The following HSPA12B variants were observed in gnomAD, a reference collection of about 807,000 sequenced individuals.
The protein encoded by HSPA12B is heat shock 70 kDa protein 12B.
In HSPA12B, 54 loss-of-function variants were observed where a neutral mutation model predicts 69.3. The observed-to-expected ratio is 0.78, with a 90% CI of 0.63 to 0.98. HSPA12B has a LOEUF of 0.98. Among genes scored for constraint, HSPA12B ranks in the 50% least tolerant of loss-of-function variants. The pLI is 0.00. For missense variants in HSPA12B, 929 were observed against 999.8 expected (o/e 0.93, Z 0.96); for synonymous variants, 441 against 436.5 (o/e 1.01, Z -0.13).
chr20:3,749,875 C>T lies in HSPA12B; in HGVS notation c.1042+21C>T, dbSNP rs2088378392. ...ATCTGGTGAGTAGCCAGGCGGCGCC[C>T]CGGTACCCAGCGCGACCCGGGCTCC... On this transcript the variant is annotated intron_variant, in intron 10 of 12. Coordinates refer to ENST00000254963, the MANE Select transcript of HSPA12B (RefSeq NM_052970.5). The surrounding 1 kb of genome is among the most constrained non-coding windows in gnomAD (Gnocchi z 5.5). 1.3e-6 allele frequency: 2 copies of T among 1,577,518 alleles called. No homozygotes were observed. Among genetic ancestry groups the T allele is most frequent in the Non-Finnish European group, 8.6e-7 (1 of 1,161,894 alleles).
rs141088388 is a variant in HSPA12B at position 3,745,510 on chromosome 20, C to G, written c.471C>G (p.Thr157=). Residue 157 remains threonine, a synonymous_variant, in exon 6 of 13, where the codon ACC becomes ACG. Transcript: ENST00000254963. This position sits in a 1 kb window ranked among gnomAD's most constrained non-coding sequence, Gnocchi z 5.6. The part of the protein sequence containing the change: ...IHSATDLTLK[T]QLEAVNGKTM... The stretch of plus-strand genomic sequence containing the variant: ...CCTGCCAGGATCTCACCTTGAAGAC[C>G]CAGCTAGAGGCAGTAAATGGAAAGA... 1.9e-6 allele frequency: 3 copies of G among 1,614,082 alleles called. No homozygotes were observed. Among genetic ancestry groups the G allele is most frequent in the Non-Finnish European group, 2.5e-6 (3 of 1,179,962 alleles).
In HSPA12B at chr20:3,745,380, G is replaced by C. The variant is rs2088280876; in HGVS notation, c.454-113G>C. The C allele has an allele frequency of 1.3e-6, 1 of 787,424 alleles. No homozygotes were observed. The highest frequency in any genetic ancestry group is 1.5e-5 in the South Asian group (1 of 65,316). The allele number at this position is 787,424 out of a possible 1,614,324, so 48.8% of individuals were successfully genotyped here. A position where few individuals can be genotyped will look rare whatever the true frequency, so the allele number is the denominator to read the frequency against. Reference sequence around the variant, plus strand: ...ATGTCACATGGGGCAAGAGTGGGACGGTGGTAAAGAGGAGGGGAAGCTCCA... The same window carrying C: ...ATGTCACATGGGGCAAGAGTGGGACCGTGGTAAAGAGGAGGGGAAGCTCCA... On this transcript the variant is annotated intron_variant, in intron 5 of 12. Coordinates refer to ENST00000254963, the MANE Select transcript of HSPA12B (RefSeq NM_052970.5). The surrounding 1 kb of genome is among the most constrained non-coding windows in gnomAD (Gnocchi z 5.6).
Position 3,745,691 on chromosome 20 carries a change from T to C in HSPA12B, c.558+94T>C. On this transcript the variant is annotated intron_variant, in intron 6 of 12. Transcript: ENST00000254963. The surrounding 1 kb of genome is among the most constrained non-coding windows in gnomAD (Gnocchi z 5.6). ...CCCCCATCCCGTCCCCGACATTGGA[T>C]GGGTAGCCACCGCCGGAGCTCAGAG... The C allele has an allele frequency of 8.5e-7, 1 of 1,181,168 alleles. No homozygotes were observed. Among genetic ancestry groups the C allele is most frequent in the Non-Finnish European group, 1.2e-6 (1 of 803,904 alleles). The allele number at this position is 1,181,168 out of a possible 1,614,324, so 73.2% of individuals were successfully genotyped here. A position where few individuals can be genotyped will look rare whatever the true frequency, so the allele number is the denominator to read the frequency against.
In HSPA12B at chr20:3,749,871, C is replaced by G; in HGVS notation, c.1042+17C>G. 1 of 1,577,406 alleles carries G rather than the reference C, an allele frequency of 6.3e-7. No individual in the cohort carries two copies. The highest frequency in any genetic ancestry group is 8.6e-7 in the Non-Finnish European group (1 of 1,161,772). The stretch of plus-strand genomic sequence containing the variant: ...AGGCATCTGGTGAGTAGCCAGGCGG[C>G]GCCCCGGTACCCAGCGCGACCCGGG... On this transcript the variant is annotated intron_variant, in intron 10 of 12. Transcript: ENST00000254963. The surrounding 1 kb of genome is among the most constrained non-coding windows in gnomAD (Gnocchi z 5.5).
Position 3,750,813 on chromosome 20 carries a change from C to A in HSPA12B, c.1311C>A (p.Phe437Leu). ...ETALRRSSVNFVKWSSQGMLR... is the reference protein window; with the variant it reads ...ETALRRSSVNLVKWSSQGMLR... ...CTTTCACCACCAACAGCGTGAACTT[C>A]GTGAAGTGGTCCTCACAGGGGATGC... The change falls in exon 12 of 13, where the codon TTC becomes TTA. Residue 437 changes from phenylalanine to leucine, a missense_variant. Coordinates refer to ENST00000254963, the MANE Select transcript of HSPA12B (RefSeq NM_052970.5). 1.2e-6 allele frequency: 2 copies of A among 1,613,840 alleles called. No homozygotes were observed. The highest frequency in any genetic ancestry group is 8.5e-7 in the Non-Finnish European group (1 of 1,180,012).
Position 3,745,974 on chromosome 20 carries a change from G to T in HSPA12B, c.618G>T (p.Thr206=). Residue 206 remains threonine (T), a synonymous_variant, in exon 7 of 13, where the codon ACG becomes ACT. Transcript: ENST00000254963. The surrounding 1 kb of genome is among the most constrained non-coding windows in gnomAD (Gnocchi z 5.6). ...PEKDTVRWVL[T]VPAIWKQPAK... ...AGGACACTGTGCGCTGGGTGTTGAC[G>T]GTGCCTGCCATCTGGAAACAGCCAG... 1 of 1,614,030 alleles carries T rather than the reference G, an allele frequency of 6.2e-7. No individual in the cohort carries two copies. Among genetic ancestry groups the T allele is most frequent in the South Asian group, 1.1e-5 (1 of 91,078 alleles).
At chr20:3,735,568 C>T (rs1030883054) in intron 1 of HSPA12B, among the ~76,000 whole-genome samples, 6 of 151,530 alleles carry the variant, frequency 4.0e-5, no homozygotes, top group Non-Finnish European at 7.4e-5. Context: ...CAGGTTCAAA[C>T]GATTCTCCTG....
chr20:3,744,060 T>C lies in HSPA12B; in HGVS notation c.267-842T>C, dbSNP rs527520756. Among the ~76,000 whole-genome samples, 152 of 152,230 alleles carry C rather than the reference T, an allele frequency of 1.0e-3. 5 individuals carry two copies. The South Asian group carries it at 0.023, about 23-fold the overall frequency. ...GACCTCAAGACCCCAGTCCTCTGAA[T>C]ATGTCCTAGAGGGTCGGCAGGCAGT... On this transcript the variant is annotated intron_variant, in intron 4 of 12. Coordinates refer to ENST00000254963, the MANE Select transcript of HSPA12B (RefSeq NM_052970.5). The surrounding 1 kb of genome is among the most constrained non-coding windows in gnomAD (Gnocchi z 4.9).
At position 3,749,127 on chromosome 20, in the gene HSPA12B, C is replaced by A; in HGVS notation, c.851-105C>A. On this transcript the variant is annotated intron_variant, in intron 8 of 12. Transcript: ENST00000254963. The surrounding 1 kb of genome is among the most constrained non-coding windows in gnomAD (Gnocchi z 5.5). ...CAGGTTGGAGTTTCAGGAGCACTGGCTGCTCCCAGTGCCCATGGAGGTCCT... is the reference window on the plus strand; with the variant it reads ...CAGGTTGGAGTTTCAGGAGCACTGGATGCTCCCAGTGCCCATGGAGGTCCT... The A allele has an allele frequency of 2.1e-6, 2 of 944,812 alleles. No individual in the cohort carries two copies. Among genetic ancestry groups the A allele is most frequent in the Non-Finnish European group, 3.2e-6 (2 of 620,404 alleles). The allele number at this position is 944,812 out of a possible 1,614,324, so 58.5% of individuals were successfully genotyped here.
intron 8 of HSPA12B, 77 bp downstream of exon 8, chr20:3,748,468 G>C: frequency 7.6e-7 from 1 of 1,315,194 alleles, no homozygotes; most frequent in Non-Finnish European, 9.9e-7. Context: ...GCCATGTCTA[G>C]TATGAAGGGG....
rs536962476 is a variant in HSPA12B at position 3,749,493 on chromosome 20, C to G, written c.937+175C>G. On this transcript the variant is annotated intron_variant, in intron 9 of 12. Transcript: ENST00000254963. This position sits in a 1 kb window ranked among gnomAD's most constrained non-coding sequence, Gnocchi z 5.5. ...ACCCCACTCACAGCGGCGCCCCTAA[C>G]TCCCACTCCTCCAGGGGATTCTCCG... is the stretch of plus-strand genomic sequence containing the variant. 6.6e-6 allele frequency among the ~76,000 whole-genome samples: 1 copy of G among 152,300 alleles called. No homozygotes were observed. The highest frequency in any genetic ancestry group is 2.4e-5 in the African/African-American group (1 of 41,566).
Position 3,750,145 on chromosome 20 carries a change from A to C in HSPA12B, c.1219A>C (p.Asn407His). ...TAGPHRAGAL[N>H]ISLPFSFIDF... is the part of the protein sequence containing the mutation. ...TGGCCCACACCGTGCAGGGGCGCTC[A>C]ACATCTCGCTGCCCTTCTCCTTCAT... Residue 407 changes from asparagine to histidine, a missense_variant, in exon 11 of 13, where the codon AAC becomes CAC. This residue lies in a region of HSPA12B where 448 missense variants were observed against 448.1 expected (regional missense o/e 1.00). Transcript: ENST00000254963. 1 of 1,611,780 alleles carries C rather than the reference A, an allele frequency of 6.2e-7. No homozygotes were observed. The highest frequency in any genetic ancestry group is 8.5e-7 in the Non-Finnish European group (1 of 1,179,382).
Position 3,750,059 on chromosome 20 carries a change from G to A in HSPA12B, c.1133G>A (p.Arg378Lys), listed in dbSNP as rs2088384972. 2 of 1,610,658 alleles carry A rather than the reference G, an allele frequency of 1.2e-6. No individual in the cohort carries two copies. Among genetic ancestry groups the A allele is most frequent in the South Asian group, 1.1e-5 (1 of 90,644 alleles). Reference sequence around the variant, plus strand: ...GAGGACTTCATCGCCACCTTCAAAAGGCAACGGCCGGCAGCCTGGGTAGAT... The same window carrying A: ...GAGGACTTCATCGCCACCTTCAAAAAGCAACGGCCGGCAGCCTGGGTAGAT... ...FGEDFIATFK[R>K]QRPAAWVDLT... The change falls in exon 11 of 13, where the codon AGG (arginine) becomes AAG (lysine). Residue 378 changes from arginine to lysine, a missense_variant. Around this residue, in one of 3 missense-constraint regions of HSPA12B, gnomAD observed 477 missense variants for 535.2 expected, o/e 0.89. Coordinates refer to ENST00000254963, the MANE Select transcript of HSPA12B (RefSeq NM_052970.5).
Position 3,740,724 on chromosome 20 carries a change from C to T in HSPA12B, c.44-91C>T. On this transcript the variant is annotated intron_variant, in intron 2 of 12. Transcript: ENST00000254963. The surrounding 1 kb of genome is among the most constrained non-coding windows in gnomAD (Gnocchi z 4.9). Reference sequence around the variant, plus strand: ...GCCCTTTGCCTTAGCCCAGCAAGGACTGATGGAGAACCTTTGGGTGCCTGG... The same window carrying T: ...GCCCTTTGCCTTAGCCCAGCAAGGATTGATGGAGAACCTTTGGGTGCCTGG... The T allele has an allele frequency of 1.0e-6, 1 of 977,972 alleles. No individual in the cohort carries two copies. The highest frequency in any genetic ancestry group is 1.6e-6 in the Non-Finnish European group (1 of 627,336). The allele number at this position is 977,972 out of a possible 1,614,324, so 60.6% of individuals were successfully genotyped here. A position where few individuals can be genotyped will look rare whatever the true frequency, so the allele number is the denominator to read the frequency against.
chr20:3,747,451 CCTT>C (rs528271970), intron 7 of HSPA12B, among the ~76,000 whole-genome samples: 11 of 152,320 alleles, frequency 7.2e-5, no homozygotes, highest in African/African-American at 2.4e-4. Context: ...TTCCCACCCT[CCTT>C]CTCACGCTGT....
rs1401552688 is a variant in HSPA12B, at chr20:3,748,192, G to A, written c.676-25G>A. 2.6e-6 allele frequency: 4 copies of A among 1,517,304 alleles called. No homozygotes were observed. In the Admixed American group the frequency reaches 7.9e-5, roughly 30 times the overall value. The allele number at this position is 1,517,304 out of a possible 1,614,324, so 94.0% of individuals were successfully genotyped here. On this transcript the variant is annotated intron_variant, in intron 7 of 12. Transcript: ENST00000254963. ...GGTGTGACAGCCCACAGTGCTGCCT[G>A]ACCCTGCCCACCACCCATCCCCAGG... is the stretch of plus-strand genomic sequence containing the variant.
chr20:3,741,714 T>A (rs1297540391), intron 3 of HSPA12B, among the ~76,000 whole-genome samples: 1 of 152,174 alleles, frequency 6.6e-6, no homozygotes, highest in Non-Finnish European at 1.5e-5. Context: ...CCCACCTGGA[T>A]GACCTTGCCC....
intron 4 of HSPA12B, among the ~76,000 whole-genome samples, chr20:3,743,476 C>T (rs78012956): frequency 0.2 from 30,953 of 151,910 alleles, 3,372 homozygotes; most frequent in Middle Eastern, 0.27. Flanking sequence ...GAATTGCAGG[C>T]GTGAGCCACC....
At chr20:3,741,515 C>T (rs954920958) in intron 3 of HSPA12B, among the ~76,000 whole-genome samples, 2 of 152,144 alleles carry the variant, frequency 1.3e-5, no homozygotes, top group Admixed American at 1.3e-4. Flanking sequence ...CACCTGTAAT[C>T]CCAGCTACTC....
Sources: gnomAD v4.1 joint callset for allele counts (sites outside exome capture counted in the v4.1 genomes callset) on GRCh38, gnomAD v4.1.1 for gene constraint, gnomAD v4.1.1 regional missense constraint, Gnocchi (gnomAD v3.1) non-coding constraint, MANE v1.5 for transcripts, NCBI Gene and HGNC (gene_info 2026-07-23, HGNC 2026-07-21) for gene names.